Variants in NTRK1 observed in about 807,000 individuals in gnomAD.
NTRK1 encodes the protein high affinity nerve growth factor receptor.
A neutral mutation model predicts 86.8 loss-of-function variants in NTRK1; 62 were observed. That is an observed-to-expected ratio of 0.71 (90% CI 0.58 to 0.88). NTRK1 has a LOEUF of 0.88. Among genes scored for constraint, NTRK1 ranks in the 40% least tolerant of loss-of-function variants. The pLI, the probability that NTRK1 is intolerant of heterozygous loss-of-function variation, is 0.00. For synonymous variants in NTRK1, 469 were observed against 456.6 expected (o/e 1.03, Z -0.35); for missense variants, 967 against 1,078.4 (o/e 0.90, Z 1.45).
intron 2 of NTRK1, chr1:156,849,016 G>A (rs1219819533): frequency 3.1e-6 from 5 of 1,613,382 alleles, no homozygotes; most frequent in Admixed American, 1.7e-5. Flanking sequence ...CCTCCGTCAC[G>A]TTGGACACGA....
intron 1 of NTRK1, among the ~76,000 whole-genome samples, chr1:156,829,561 G>C (rs1184136439): frequency 6.6e-6 from 1 of 151,526 alleles, no homozygotes; most frequent in Non-Finnish European, 1.5e-5. Flanking sequence ...ACTGTCTCTC[G>C]TTGGGCCCAG....
upstream of NTRK1, chr1:156,858,766 G>A (rs1655501936): frequency 3.1e-6 from 2 of 643,328 alleles, no homozygotes; most frequent in African/African-American, 1.8e-5. Flanking sequence ...ATCCCACACA[G>A]AGACAGCAGG....
At chr1:156,833,101 A>T (rs1277278821) in intron 1 of NTRK1, among the ~76,000 whole-genome samples, 1 of 152,248 alleles carries the variant, frequency 6.6e-6, no homozygotes, top group Non-Finnish European at 1.5e-5. Context: ...AGGCAGCATG[A>T]TATAGTGGAA....
Position 156,845,776 on chromosome 1 carries a change from C to G in NTRK1, c.50+3583C>G, listed in dbSNP as rs548347934. The G allele has an allele frequency of 3.7e-6, 6 of 1,613,122 alleles. No homozygotes were observed. In the East Asian group the frequency reaches 6.7e-5, roughly 18 times the overall value. On this transcript the variant is annotated intron_variant, in intron 2 of 16. Coordinates refer to the NTRK1 transcript ENST00000392302. ...GCCTCAGGATCCCCGTCTTCGCCGT[C>G]GAAGCGCGGATCGTTGTTGCTGGTG...
Position 156,867,990 on chromosome 1 carries a change from T to A in NTRK1, c.429-114T>A, listed in dbSNP as rs1647270554. On this transcript the variant is annotated intron_variant, in intron 4 of 16. Transcript: ENST00000524377. ...CTGGAGTCAGAGAGAAAGACCTCTG[T>A]GTCCTCCCTTTCACCTGTAGACGGT... The A allele has an allele frequency of 8.5e-6, 10 of 1,169,874 alleles. No individual in the cohort carries two copies. In the East Asian group the frequency reaches 2.1e-4, roughly 25 times the overall value. 72.5% of individuals were successfully genotyped at this position (1,169,874 alleles called of 1,614,324 possible). A position where few individuals can be genotyped will look rare whatever the true frequency, so the allele number is the denominator to read the frequency against.
Position 156,873,865 on chromosome 1 carries a change from G to A in NTRK1, c.1083G>A (p.Leu361=), listed in dbSNP as rs750656916. The change falls in exon 8 of 17, where the codon CTG becomes CTA. Residue 361 remains leucine, a synonymous_variant. Coordinates refer to ENST00000524377, the MANE Select transcript of NTRK1 (RefSeq NM_002529.4). The stretch of plus-strand genomic sequence containing the variant: ...ACGTCAACAACGGCAACTACACGCT[G>A]CTGGCTGCCAACCCCTTCGGCCAGG... ...PTHVNNGNYT[L]LAANPFGQAS... 4 of 1,602,772 alleles carry A rather than the reference G, an allele frequency of 2.5e-6. No individual in the cohort carries two copies. The highest frequency in any genetic ancestry group is 3.4e-6 in the Non-Finnish European group (4 of 1,174,514).
At chr1:156,842,996 T>G (rs1308108274) in intron 2 of NTRK1, 1 of 1,604,972 alleles carries the variant, frequency 6.2e-7, no homozygotes, top group Non-Finnish European at 8.5e-7. Context: ...CCCTTGGCTC[T>G]CCCTTACCAC....
rs2102904782 is a variant in NTRK1 at position 156,873,652 on chromosome 1, G to A, written c.870G>A (p.Leu290=). Residue 290 remains leucine (L), a synonymous_variant, in exon 8 of 17, where the codon CTG becomes CTA. Coordinates refer to ENST00000524377, the MANE Select transcript of NTRK1 (RefSeq NM_002529.4). ...VNVSFPASVQ[L]HTAVEMHHWC... ...CCACAGTCCCGGCCAGTGTGCAGCT[G>A]CACACGGCGGTGGAGATGCACCACT... The A allele has an allele frequency of 6.2e-7, 1 of 1,610,452 alleles. No individual in the cohort carries two copies. The highest frequency in any genetic ancestry group is 8.5e-7 in the Non-Finnish European group (1 of 1,179,488).
At chr1:156,844,842 TC>T (rs1321983067) in intron 2 of NTRK1, 18 of 1,613,948 alleles carry the variant, frequency 1.1e-5, no homozygotes, top group Non-Finnish European at 1.5e-5. Context: ...CATCAGCCTC[TC>T]CTGCGGGAAG....
chr1:156,819,529 T>C (rs1312659541), intron 1 of NTRK1, among the ~76,000 whole-genome samples: 1 of 150,650 alleles, frequency 6.6e-6, no homozygotes, highest in African/African-American at 2.4e-5. Flanking sequence ...TTTATTTTTA[T>C]TATTTTTTTA....
chr1:156,858,661 C>G, upstream of NTRK1: 2 of 1,561,436 alleles, frequency 1.3e-6, no homozygotes, highest in Non-Finnish European at 1.8e-6. Flanking sequence ...GGCTCTCCTC[C>G]CGGTGACTCT....
intron 2 of NTRK1, chr1:156,844,681 G>A (rs771385234): frequency 5.0e-6 from 8 of 1,614,084 alleles, no homozygotes; most frequent in Non-Finnish European, 6.8e-6. Context: ...AAACGGGGCT[G>A]GGACGGGGGT....
At chr1:156,861,183 A>C (rs1655634490) in intron 1 of NTRK1, 37 bp downstream of exon 1, 1 of 1,533,662 alleles carries the variant, frequency 6.5e-7, no homozygotes, top group Non-Finnish European at 8.7e-7. Context: ...GCGCGGGGAC[A>C]GGCAGGCATT....
intron 16 of NTRK1, 193 bp downstream of exon 16, chr1:156,880,350 C>T (rs1648186909): frequency 7.7e-6 from 5 of 651,510 alleles, no homozygotes; most frequent in Admixed American, 2.7e-5. Context: ...TTCTTGCCTT[C>T]ACCTACTGTC....
chr1:156,875,412 C>G, intron 11 of NTRK1, 108 bp from the exon 12 acceptor site: 1 of 1,441,674 alleles, frequency 6.9e-7, no homozygotes, highest in East Asian at 2.3e-5. Flanking sequence ...GCTTCTCAGT[C>G]TCTCCCCTGC....
chr1:156,842,271 TC>T (rs1397100859), intron 2 of NTRK1: 3 of 1,613,672 alleles, frequency 1.9e-6, no homozygotes, highest in Non-Finnish European at 2.5e-6. Context: ...CCAGGGTTGT[TC>T]TAGAGCCAAG....
rs35669708 is a variant in NTRK1 at position 156,881,590 on chromosome 1, G to A, written c.2339G>A (p.Arg780Gln). ...QRHSIKDVHARLQALAQAPPV... is the reference protein window; with the variant it reads ...QRHSIKDVHAQLQALAQAPPV... ...CACAGCATCAAGGATGTGCACGCCC[G>A]GCTGCAAGCCCTGGCCCAGGCACCT... The change falls in exon 17 of 17, where the codon CGG becomes CAG. Residue 780 changes from arginine to glutamine, a missense_variant. Coordinates refer to ENST00000524377, the MANE Select transcript of NTRK1 (RefSeq NM_002529.4). 9,172 of 1,611,386 alleles carry A rather than the reference G, an allele frequency of 5.7e-3. 43 individuals carry two copies. Among genetic ancestry groups the A allele is most frequent in the South Asian group, 0.012 (1,059 of 90,522 alleles).
Position 156,881,481 on chromosome 1 carries a change from C to T in NTRK1, c.2230C>T (p.Arg744Cys), listed in dbSNP as rs763591781. The T allele has an allele frequency of 1.7e-5, 27 of 1,581,422 alleles. No individual in the cohort carries two copies. Among genetic ancestry groups the T allele is most frequent in the African/African-American group, 1.1e-4 (8 of 74,212 alleles). ...TEAIDCITQG[R>C]ELERPRACPP... ...GGCAATCGACTGCATCACGCAGGGACGTGAGTTGGAGCGGCCACGTGCCTG... is the reference window on the plus strand; with the variant it reads ...GGCAATCGACTGCATCACGCAGGGATGTGAGTTGGAGCGGCCACGTGCCTG... The change falls in exon 17 of 17, where the codon CGT becomes TGT. Residue 744 changes from arginine to cysteine, a missense_variant. Coordinates refer to ENST00000524377, the MANE Select transcript of NTRK1 (RefSeq NM_002529.4).
At chr1:156,841,884 A>C in intron 1 of NTRK1, 1 of 1,605,466 alleles carries the variant, frequency 6.2e-7, no homozygotes, top group South Asian at 1.1e-5. Flanking sequence ...CAATCTTCTC[A>C]TCCTCCAGAG....
Sources: gnomAD v4.1 joint callset for allele counts (sites outside exome capture counted in the v4.1 genomes callset) on GRCh38, gnomAD v4.1.1 for gene constraint, MANE v1.5 for transcripts, NCBI Gene and HGNC (gene_info 2026-07-23, HGNC 2026-07-21) for gene names.